The following ADCK1 variants were observed in gnomAD, a reference collection of about 807,000 sequenced individuals.
ADCK1 encodes the protein aarF domain-containing protein kinase 1.
Under a neutral mutation model 52.3 loss-of-function variants are expected in ADCK1, and 41 were observed. That is an observed-to-expected ratio of 0.78 (90% CI 0.61 to 1.02). The LOEUF is 1.02. Among genes scored for constraint, ADCK1 ranks in the 50% least tolerant of loss-of-function variants. The pLI, the probability that ADCK1 is intolerant of heterozygous loss-of-function variation, is 0.00. For missense variants in ADCK1, 658 were observed against 679.5 expected, an observed-to-expected ratio of 0.97 and a Z score of 0.35; for synonymous variants, 250 against 274.6, an observed-to-expected ratio of 0.91 and a Z score of 0.89.
chr14:77,933,843 C>T lies in ADCK1; in HGVS notation c.*452C>T, dbSNP rs886280159. 8 of 164,810 alleles carry T rather than the reference C, an allele frequency of 4.9e-5. No homozygotes were observed. The highest frequency in any genetic ancestry group is 1.6e-4 in the East Asian group (1 of 6,142). The allele number at this position is 164,810 out of a possible 1,614,324, so 10.2% of individuals were successfully genotyped here. On this transcript the variant is annotated 3_prime_UTR_variant, in exon 11 of 11. Transcript: ENST00000238561. Reference sequence around the variant, plus strand: ...CCCTCCAGAGGAAGTCACACCTCAGCGAGGTGGTTTGGCATCTGGGGCCAA... The same window carrying T: ...CCCTCCAGAGGAAGTCACACCTCAGTGAGGTGGTTTGGCATCTGGGGCCAA...
chr14:77,834,828 A>G (rs2081928464), intron 3 of ADCK1, among the ~76,000 whole-genome samples: 2 of 152,098 alleles, frequency 1.3e-5, no homozygotes, highest in Admixed American at 1.3e-4. Flanking sequence ...ACCCAGCTCC[A>G]CAGAGAAGGT....
intron 7 of ADCK1, among the ~76,000 whole-genome samples, chr14:77,908,612 A>G (rs2083721152): frequency 6.6e-6 from 1 of 152,188 alleles, no homozygotes; most frequent in Admixed American, 6.5e-5. Flanking sequence ...TGTAATCTGG[A>G]ACTCCTGGGC....
At chr14:77,844,418 T>G (rs935706636) in intron 3 of ADCK1, among the ~76,000 whole-genome samples, 1 of 152,088 alleles carries the variant, frequency 6.6e-6, no homozygotes, top group African/African-American at 2.4e-5. Flanking sequence ...CTAGGGAAGA[T>G]TCTTATTTTG....
At chr14:77,839,546 T>C (rs1248479920) in intron 3 of ADCK1, among the ~76,000 whole-genome samples, 2 of 152,056 alleles carry the variant, frequency 1.3e-5, no homozygotes, top group African/African-American at 4.8e-5. Flanking sequence ...CCCGTGCCTG[T>C]GTCAAGGCCA....
chr14:77,869,803 T>C (rs2082737595), intron 4 of ADCK1, among the ~76,000 whole-genome samples: 1 of 152,186 alleles, frequency 6.6e-6, no homozygotes, highest in African/African-American at 2.4e-5. Flanking sequence ...TCACAGCTGC[T>C]TCCCTCCATG....
intron 3 of ADCK1, among the ~76,000 whole-genome samples, chr14:77,843,834 C>G (rs1053709908): frequency 6.6e-6 from 1 of 152,094 alleles, no homozygotes; most frequent in East Asian, 1.9e-4. Context: ...TGCAAGTATC[C>G]TTGGCAGCTG....
chr14:77,822,608 G>A (rs181452520), intron 3 of ADCK1, 90 bp downstream of exon 3: 130 of 1,136,668 alleles, frequency 1.1e-4, no homozygotes, highest in East Asian at 6.2e-4. Context: ...CCTCACCCCC[G>A]CAAAGTGCTG....
intron 4 of ADCK1, among the ~76,000 whole-genome samples, chr14:77,861,849 G>A (rs1483796034): frequency 2.0e-5 from 3 of 152,224 alleles, no homozygotes; most frequent in South Asian, 2.1e-4. Flanking sequence ...GATTGAGGGT[G>A]CAGTACTTCT....
At chr14:77,878,468 A>T (rs1268470918) in intron 4 of ADCK1, among the ~76,000 whole-genome samples, 1 of 152,224 alleles carries the variant, frequency 6.6e-6, no homozygotes, top group African/African-American at 2.4e-5. Context: ...GCTCAAATTC[A>T]AGGGGGAGGT....
intron 4 of ADCK1, among the ~76,000 whole-genome samples, chr14:77,877,160 A>C (rs566607035): frequency 7.1e-4 from 108 of 152,338 alleles, no homozygotes; most frequent in Non-Finnish European, 1.3e-3. Flanking sequence ...GGCTGCAGTG[A>C]GCTGAGATCA....
chr14:77,931,628 T>A lies in ADCK1; in HGVS notation c.1317T>A (p.Arg439=), dbSNP rs1354257091. 6.2e-7 allele frequency: 1 copy of A among 1,613,088 alleles called. No homozygotes were observed. The part of the protein sequence containing the change: ...LLILKTNDLL[R]GIEAALGTRA... ...TCTTGAAGACCAACGACCTGCTGCG[T>A]GGCATTGAGGCCGCCCTGGGCACCC... The change falls in exon 10 of 11, where the codon CGT becomes CGA. Residue 439 remains arginine, a synonymous_variant. Transcript: ENST00000238561.
chr14:77,900,956 A>G (rs546907535), intron 6 of ADCK1, among the ~76,000 whole-genome samples: 6 of 152,134 alleles, frequency 3.9e-5, no homozygotes, highest in South Asian at 2.1e-4. Flanking sequence ...TACGGCTTCT[A>G]CATGCTCTGA....
At chr14:77,841,674 CA>C (rs71128696) in intron 3 of ADCK1, among the ~76,000 whole-genome samples, 45,352 of 74,462 alleles carry the variant, frequency 0.61, 11,384 homozygotes, top group Middle Eastern at 0.76. Flanking sequence ...ACTAAAAATA[CA>C]AAAAAAAAAA....
intron 4 of ADCK1, among the ~76,000 whole-genome samples, chr14:77,875,056 G>A (rs1206725395): frequency 6.6e-6 from 1 of 152,182 alleles, no homozygotes; most frequent in Non-Finnish European, 1.5e-5. Flanking sequence ...AGCTGGGTGT[G>A]CTGAGGGGGT....
At chr14:77,916,874 G>A (rs76641712) in intron 7 of ADCK1, among the ~76,000 whole-genome samples, 9,600 of 152,268 alleles carry the variant, frequency 0.063, 405 homozygotes, top group East Asian at 0.11. Flanking sequence ...GTTTTTAATC[G>A]AGGCTTACAA....
In ADCK1 at chr14:77,934,507, C is replaced by T. The variant is rs2084410427; in HGVS notation, c.*1116C>T. On this transcript the variant is annotated 3_prime_UTR_variant, in exon 11 of 11. Transcript: ENST00000238561. Reference sequence around the variant, plus strand: ...CAGTCCTTCTGGAGACCTTAGTCCTCTTGCTGAAACCTCCGTCACTGTGGC... The same window carrying T: ...CAGTCCTTCTGGAGACCTTAGTCCTTTTGCTGAAACCTCCGTCACTGTGGC... 6.6e-6 allele frequency: 1 copy of T among 152,130 alleles called. No homozygotes were observed. The highest frequency in any genetic ancestry group is 2.4e-5 in the African/African-American group (1 of 41,410). The allele number at this position is 152,130 out of a possible 1,614,324, so 9.4% of individuals were successfully genotyped here.
At chr14:77,877,901 C>G (rs1337065029) in intron 4 of ADCK1, among the ~76,000 whole-genome samples, 1 of 152,164 alleles carries the variant, frequency 6.6e-6, no homozygotes, top group African/African-American at 2.4e-5. Flanking sequence ...GACACTGCAC[C>G]TGGCCAGCTT....
At position 77,933,275 on chromosome 14, in the gene ADCK1, G is replaced by A. The variant is rs376998847; in HGVS notation, c.1456G>A (p.Glu486Lys). ...CAGAAGGACCCAGATCTCTTTCAGC[G>A]AGGCCTTCAACTTATGGCAGATCAA... Reference protein sequence around the residue: ...FFRRTQISFSEAFNLWQINLH... With the variant: ...FFRRTQISFSKAFNLWQINLH... The change falls in exon 11 of 11, where the codon GAG becomes AAG. Residue 486 changes from glutamate (E) to lysine (K), a missense_variant. Transcript: ENST00000238561. The A allele has an allele frequency of 2.1e-5, 34 of 1,613,952 alleles. No homozygotes were observed. Among genetic ancestry groups the A allele is most frequent in the Non-Finnish European group, 2.8e-5 (33 of 1,180,034 alleles).
At chr14:77,898,838 T>A (rs906285981) in intron 5 of ADCK1, among the ~76,000 whole-genome samples, 4 of 152,268 alleles carry the variant, frequency 2.6e-5, no homozygotes, top group Non-Finnish European at 5.9e-5. Context: ...TAGTTAGTGC[T>A]GGGCACGAGG....
Sources: allele counts gnomAD v4.1 joint callset (sites outside exome capture counted in the v4.1 genomes callset), GRCh38; gene constraint gnomAD v4.1.1; transcripts MANE v1.5; gene names NCBI Gene and HGNC (gene_info 2026-07-23, HGNC 2026-07-21).